The following MTHFD2L variants were observed in gnomAD, a reference collection of about 807,000 sequenced individuals.
MTHFD2L encodes methylenetetrahydrofolate dehydrogenase (NADP+ dependent) 2 like, also known as bifunctional methylenetetrahydrofolate dehydrogenase/cyclohydrolase 2, mitochondrial.
A neutral mutation model predicts 34.9 loss-of-function variants in MTHFD2L; 29 were observed. That is an observed-to-expected ratio of 0.83 (90% CI 0.62 to 1.13). The LOEUF is 1.13. Among genes scored for constraint, MTHFD2L ranks in the 50% most tolerant of loss-of-function variants. MTHFD2L has a pLI of 0.00. For synonymous variants in MTHFD2L, 167 were observed against 155.7 expected, an observed-to-expected ratio of 1.07 and a Z score of -0.54; for missense variants, 481 against 446.5, an observed-to-expected ratio of 1.08 and a Z score of -0.70.
intron 7 of MTHFD2L, among the ~76,000 whole-genome samples, chr4:74,299,303 G>A (rs1227970847): frequency 2.0e-5 from 3 of 151,542 alleles, no homozygotes; most frequent in Non-Finnish European, 4.4e-5. Flanking sequence ...TTCAAAGTTA[G>A]TGCTTTACAA....
chr4:74,162,999 A>C (rs750212508), intron 1 of MTHFD2L, among the ~76,000 whole-genome samples: 52 of 152,142 alleles, frequency 3.4e-4, no homozygotes, highest in Admixed American at 5.9e-4. Flanking sequence ...GATGTTCTTA[A>C]CCTGGGACCT....
chr4:74,165,755 GTCTC>G (rs1340346300), intron 1 of MTHFD2L, among the ~76,000 whole-genome samples: 1 of 152,152 alleles, frequency 6.6e-6, no homozygotes, highest in Non-Finnish European at 1.5e-5. Flanking sequence ...TAAAGGTACT[GTCTC>G]TATAGATGCT....
intron 6 of MTHFD2L, among the ~76,000 whole-genome samples, chr4:74,243,179 A>C (rs961407834): frequency 6.6e-6 from 1 of 152,206 alleles, no homozygotes; most frequent in Non-Finnish European, 1.5e-5. Flanking sequence ...AGGGTTTATG[A>C]TTAGTAGCCA....
chr4:74,295,177 A>G (rs62312545), intron 7 of MTHFD2L, among the ~76,000 whole-genome samples: 31,401 of 151,954 alleles, frequency 0.21, 3,261 homozygotes, highest in African/African-American at 0.23. Context: ...CATATAGCCC[A>G]TGATCACCTC....
At chr4:74,277,988 A>G (rs561428163) in intron 6 of MTHFD2L, among the ~76,000 whole-genome samples, 4 of 152,238 alleles carry the variant, frequency 2.6e-5, no homozygotes, top group South Asian at 2.1e-4. Context: ...GCACCAAACT[A>G]TAAATCAACA....
At chr4:74,199,535 A>AT (rs1734049738) in intron 3 of MTHFD2L, among the ~76,000 whole-genome samples, 1 of 151,730 alleles carries the variant, frequency 6.6e-6, no homozygotes, top group Non-Finnish European at 1.5e-5. Context: ...TTAATTCACA[A>AT]TTTTTTTTCT....
chr4:74,283,885 A>AAGGTTCAC (rs1747809533), intron 7 of MTHFD2L, among the ~76,000 whole-genome samples: 3 of 152,098 alleles, frequency 2.0e-5, no homozygotes, highest in Admixed American at 1.3e-4. Context: ...GTTCATCAGG[A>AAGGTTCAC]CTTAACCTGA....
Position 74,174,664 on chromosome 4 carries a change from A to G in MTHFD2L, c.302A>G (p.Asn101Ser). ...DNPASHTYVR[N>S]KIRAASAVGI... ...CCAGCAAGCCATACATATGTCAGGA[A>G]TAAGATAAGAGCTGCCTCTGCTGTA... Residue 101 changes from asparagine (N) to serine (S), a missense_variant, in exon 2 of 8, where the codon AAT (asparagine) becomes AGT (serine). Transcript: ENST00000325278. 6.4e-7 allele frequency: 1 copy of G among 1,565,248 alleles called. No individual in the cohort carries two copies. The highest frequency in any genetic ancestry group is 8.6e-7 in the Non-Finnish European group (1 of 1,158,426).
chr4:74,171,545 G>A (rs1727990965), intron 1 of MTHFD2L, among the ~76,000 whole-genome samples: 1 of 152,208 alleles, frequency 6.6e-6, no homozygotes, highest in Admixed American at 6.5e-5. Context: ...GCTCACACCT[G>A]TAGTCCCAGC....
rs1366020119 is a variant in MTHFD2L at position 74,293,501 on chromosome 4, A to G, written c.932-8196A>G. The G allele has an allele frequency of 4.1e-6, 4 of 983,022 alleles. No individual in the cohort carries two copies. The South Asian group carries it at 1.4e-4, about 35-fold the overall frequency. 60.9% of individuals were successfully genotyped at this position (983,022 alleles called of 1,614,324 possible). On this transcript the variant is annotated intron_variant, in intron 7 of 7. Coordinates refer to ENST00000325278, the MANE Select transcript of MTHFD2L (RefSeq NM_001144978.3). The stretch of plus-strand genomic sequence containing the variant: ...TTACTGACCACAGGATGCCACGATA[A>G]TGAACATCTCAATATATTTAGAAAA...
intron 6 of MTHFD2L, among the ~76,000 whole-genome samples, chr4:74,231,525 A>G (rs140788027): frequency 6.6e-6 from 1 of 152,010 alleles, no homozygotes; most frequent in Non-Finnish European, 1.5e-5. Context: ...CTTATTTGTT[A>G]TTGTCCAGCT....
intron 6 of MTHFD2L, among the ~76,000 whole-genome samples, chr4:74,245,662 G>A (rs11945418): frequency 0.2 from 29,653 of 151,474 alleles, 2,919 homozygotes; most frequent in Non-Finnish European, 0.21. Flanking sequence ...AGAGTGTGAT[G>A]TTCCCCTTCC....
intron 6 of MTHFD2L, among the ~76,000 whole-genome samples, chr4:74,244,518 GT>G (rs1197421300): frequency 6.8e-6 from 1 of 147,086 alleles, no homozygotes; most frequent in African/African-American, 2.5e-5. Flanking sequence ...ATACTTATAT[GT>G]TTTTTTCTCA....
chr4:74,252,360 T>G (rs1254844610), intron 6 of MTHFD2L, among the ~76,000 whole-genome samples: 1 of 151,498 alleles, frequency 6.6e-6, no homozygotes, highest in Non-Finnish European at 1.5e-5. Context: ...ATCTCGGGGG[T>G]CATAACAACA....
intron 7 of MTHFD2L, among the ~76,000 whole-genome samples, chr4:74,291,834 A>T (rs1318671483): frequency 6.6e-6 from 1 of 152,234 alleles, no homozygotes; most frequent in African/African-American, 2.4e-5. Context: ...GAATCAAATT[A>T]AAGTGACTCC....
chr4:74,201,973 T>C (rs1431130082), intron 5 of MTHFD2L, among the ~76,000 whole-genome samples: 1 of 152,114 alleles, frequency 6.6e-6, no homozygotes, highest in African/African-American at 2.4e-5. Context: ...AGATACAGAA[T>C]AGCTCCCCAG....
intron 6 of MTHFD2L, among the ~76,000 whole-genome samples, chr4:74,230,534 G>A (rs1316563559): frequency 2.1e-5 from 3 of 146,010 alleles, no homozygotes; most frequent in African/African-American, 7.6e-5. Flanking sequence ...AGGTTGCAGT[G>A]AGCCGAGATC....
In MTHFD2L at chr4:74,237,828, A is replaced by G. The variant is rs1741072493; in HGVS notation, c.805+12434A>G. Among the ~76,000 whole-genome samples, 2 of 152,184 alleles carry G rather than the reference A, an allele frequency of 1.3e-5. 1 individual carries two copies. Among genetic ancestry groups the G allele is most frequent in the South Asian group, 4.1e-4 (2 of 4,828 alleles). On this transcript the variant is annotated intron_variant, in intron 6 of 7. Transcript: ENST00000325278. ...TCAGAGCTTGCACCTGCAGAGTTCA[A>G]AAAAAGGTAGGGGAGAGGCAAAGAA...
chr4:74,248,571 T>A (rs1368613410), intron 6 of MTHFD2L, among the ~76,000 whole-genome samples: 1 of 148,086 alleles, frequency 6.8e-6, no homozygotes, highest in African/African-American at 2.5e-5. Flanking sequence ...AATTGTGATG[T>A]TAGGGTGTCA....
Sources: gnomAD v4.1 joint callset for allele counts (sites outside exome capture counted in the v4.1 genomes callset) on GRCh38, gnomAD v4.1.1 for gene constraint, MANE v1.5 for transcripts, NCBI Gene and HGNC (gene_info 2026-07-23, HGNC 2026-07-21) for gene names.